CACNA1D: variants seen among roughly 807,000 people sequenced by gnomAD.
CACNA1D encodes calcium voltage-gated channel subunit alpha1 D, also known as voltage-dependent L-type calcium channel subunit alpha-1D.
A neutral mutation model predicts 257.1 loss-of-function variants in CACNA1D; 55 were observed. The ratio of observed to expected loss-of-function variants is 0.21; its 90% CI spans 0.17 to 0.27. The LOEUF is 0.27. Ranked by LOEUF, CACNA1D falls within the 10% of genes least tolerant of loss-of-function variation. CACNA1D has a pLI of 1.00. For synonymous variants in CACNA1D, 980 were observed against 1,014.9 expected, an observed-to-expected ratio of 0.97 and a Z score of 0.65; for missense variants, 1,876 against 2,784.0, an observed-to-expected ratio of 0.67 and a Z score of 7.34.
At chr3:53,781,275 G>T (rs1418772036) in intron 38 of CACNA1D, among the ~76,000 whole-genome samples, 1 of 152,176 alleles carries the variant, frequency 6.6e-6, no homozygotes, top group Admixed American at 6.5e-5. Context: ...GCAAGTAGTA[G>T]GTCTCAGCTG....
chr3:53,656,453 T>C (rs574896539), intron 4 of CACNA1D, among the ~76,000 whole-genome samples: 4 of 152,288 alleles, frequency 2.6e-5, no homozygotes, highest in South Asian at 4.1e-4. Context: ...TCTGATTTCT[T>C]TGAGCAGTGT....
At chr3:53,619,816 A>C (rs1268084189) in intron 3 of CACNA1D, among the ~76,000 whole-genome samples, 3 of 152,210 alleles carry the variant, frequency 2.0e-5, no homozygotes, top group Non-Finnish European at 4.4e-5. Context: ...GGTCTCTTCC[A>C]ACCAGAAATG....
chr3:53,559,265 T>C (rs2092697389), intron 3 of CACNA1D, among the ~76,000 whole-genome samples: 1 of 152,178 alleles, frequency 6.6e-6, no homozygotes, highest in African/African-American at 2.4e-5. Flanking sequence ...TCTTGGAGCA[T>C]GGTTAAAATA....
intron 15 of CACNA1D, among the ~76,000 whole-genome samples, chr3:53,728,202 A>ATG (rs1559581899): frequency 6.6e-6 from 1 of 152,092 alleles, no homozygotes; most frequent in African/African-American, 2.4e-5. Context: ...GCAGTGGTGC[A>ATG]ATCTCGGCTC....
At chr3:53,569,874 A>C (rs2092913369) in intron 3 of CACNA1D, among the ~76,000 whole-genome samples, 1 of 152,174 alleles carries the variant, frequency 6.6e-6, no homozygotes, top group South Asian at 2.1e-4. Context: ...TAGTTTTCTC[A>C]TTTGTAAAGT....
chr3:53,629,394 C>T (rs956771975), intron 3 of CACNA1D, among the ~76,000 whole-genome samples: 1 of 152,220 alleles, frequency 6.6e-6, no homozygotes, highest in African/African-American at 2.4e-5. Flanking sequence ...GGATTGTATG[C>T]ACTTTACCTC....
chr3:53,653,367 A>G (rs1343162672), intron 4 of CACNA1D, among the ~76,000 whole-genome samples: 2 of 152,232 alleles, frequency 1.3e-5, no homozygotes, highest in Non-Finnish European at 2.9e-5. Flanking sequence ...GTGACCCATA[A>G]CCAGGAGGAA....
intron 3 of CACNA1D, among the ~76,000 whole-genome samples, chr3:53,540,222 G>A (rs1286936833): frequency 1.3e-5 from 2 of 151,834 alleles, no homozygotes; most frequent in African/African-American, 2.4e-5. Flanking sequence ...AGGTTCAAGC[G>A]ATTCTCCTGC....
chr3:53,497,662 T>C (rs1278990084), intron 2 of CACNA1D, among the ~76,000 whole-genome samples: 1 of 152,162 alleles, frequency 6.6e-6, no homozygotes, highest in African/African-American at 2.4e-5. Flanking sequence ...TTTAGCCCAC[T>C]GTCTGGATGT....
chr3:53,643,248 C>T (rs2093981766), intron 3 of CACNA1D, among the ~76,000 whole-genome samples: 1 of 152,054 alleles, frequency 6.6e-6, no homozygotes, highest in African/African-American at 2.4e-5. Context: ...TAAGTGCATA[C>T]TTCATTAATA....
At position 53,776,053 on chromosome 3, in the gene CACNA1D, A is replaced by C. The variant is rs758562176; in HGVS notation, c.4362+8A>C. On this transcript the variant is annotated splice_region_variant and intron_variant, in intron 35 of 47. Transcript: ENST00000350061. The stretch of plus-strand genomic sequence containing the variant: ...ATGCTCTGTGCATTTCTGGTAAGTG[A>C]GCAACACAGCTCCCCCTCTCAATTT... 1 of 1,612,348 alleles carries C rather than the reference A, an allele frequency of 6.2e-7. No homozygotes were observed. The highest frequency in any genetic ancestry group is 8.5e-7 in the Non-Finnish European group (1 of 1,178,518).
intron 2 of CACNA1D, among the ~76,000 whole-genome samples, chr3:53,499,268 A>G (rs546105470): frequency 6.7e-4 from 102 of 152,300 alleles, no homozygotes; most frequent in Middle Eastern, 3.4e-3. Flanking sequence ...GCCTGTTTAC[A>G]AATGGGACAG....
At chr3:53,662,476 T>C (rs1039019328) in intron 5 of CACNA1D, among the ~76,000 whole-genome samples, 5 of 152,144 alleles carry the variant, frequency 3.3e-5, no homozygotes, top group Admixed American at 6.5e-5. Flanking sequence ...AGGGAAACAT[T>C]TATCAAAGTT....
intron 9 of CACNA1D, among the ~76,000 whole-genome samples, chr3:53,703,778 G>A (rs1020135356): frequency 2.0e-5 from 3 of 152,170 alleles, no homozygotes; most frequent in African/African-American, 7.2e-5. Flanking sequence ...CCTGTTGCTG[G>A]GTACAGGGGA....
rs369529533 is a variant in CACNA1D, at chr3:53,563,933, C to T, written c.483+62213C>T. On this transcript the variant is annotated intron_variant, in intron 3 of 47. Coordinates refer to ENST00000350061, the MANE Select transcript of CACNA1D (RefSeq NM_001128840.3). ...GGTCCTATTGTGGGTACATCTTCAG[C>T]TTTATTGGATGATGCCTAGTTGTTT... 1.3e-4 allele frequency among the ~76,000 whole-genome samples: 20 copies of T among 152,218 alleles called. No homozygotes were observed. In the East Asian group the frequency reaches 1.7e-3, roughly 13 times the overall value.
chr3:53,782,127 T>C (rs1268678693), intron 39 of CACNA1D, among the ~76,000 whole-genome samples: 1 of 151,866 alleles, frequency 6.6e-6, no homozygotes, highest in Non-Finnish European at 1.5e-5. Flanking sequence ...TTACCAAAAA[T>C]GTCCTTTTAA....
chr3:53,588,651 G>C (rs1013995437), intron 3 of CACNA1D, among the ~76,000 whole-genome samples: 1 of 152,154 alleles, frequency 6.6e-6, no homozygotes, highest in Non-Finnish European at 1.5e-5. Context: ...CAAAGGCCCT[G>C]GTGAGGATGT....
chr3:53,519,961 A>G (rs1207525781), intron 3 of CACNA1D, among the ~76,000 whole-genome samples: 1 of 152,178 alleles, frequency 6.6e-6, no homozygotes, highest in Non-Finnish European at 1.5e-5. Flanking sequence ...GATTCATACT[A>G]TCGTGTGTAT....
chr3:53,678,798 A>T (rs2094400440), intron 8 of CACNA1D, among the ~76,000 whole-genome samples: 1 of 152,158 alleles, frequency 6.6e-6, no homozygotes, highest in African/African-American at 2.4e-5. Flanking sequence ...GGTTTGGTCC[A>T]TTTAAATTCA....
Sources: allele counts gnomAD v4.1 joint callset (sites outside exome capture counted in the v4.1 genomes callset), GRCh38; gene constraint gnomAD v4.1.1; transcripts MANE v1.5; gene names NCBI Gene and HGNC (gene_info 2026-07-23, HGNC 2026-07-21).